The following STK25 variants were observed in gnomAD, a reference collection of about 807,000 sequenced individuals.
STK25 encodes the protein serine/threonine kinase 25.
In STK25, 29 loss-of-function variants were observed where a neutral mutation model predicts 53.8. The observed-to-expected ratio is 0.54, with a 90% CI of 0.40 to 0.74. The LOEUF is 0.74. Among genes scored for constraint, STK25 ranks in the 30% least tolerant of loss-of-function variants. The pLI is 0.00. For missense variants in STK25, 420 were observed against 568.0 expected (o/e 0.74, Z 2.65); for synonymous variants, 247 against 238.3 (o/e 1.04, Z -0.33).
rs756283437 is a variant in STK25 at position 241,496,496 on chromosome 2, A to G, written c.1143T>C (p.Gly381=). ...AGGCGTTCTCCAGCTCCTCCAGCGCACCCACGCTCCCGCCGCTCTGCTTGT... is the reference window on the plus strand; with the variant it reads ...AGGCGTTCTCCAGCTCCTCCAGCGCGCCCACGCTCCCGCCGCTCTGCTTGT... ...EKHKQSGGSV[G]ALEELENAFS... is the part of the protein sequence containing the mutation. The change falls in exon 11 of 12, where the codon GGT becomes GGC. Residue 381 remains glycine, a synonymous_variant. Coordinates refer to ENST00000316586, the MANE Select transcript of STK25 (RefSeq NM_001271977.2). The surrounding 1 kb of genome is among the most constrained non-coding windows in gnomAD (Gnocchi z 5.8). 2.5e-6 allele frequency: 4 copies of G among 1,610,374 alleles called. No homozygotes were observed. The highest frequency in any genetic ancestry group is 3.4e-6 in the Non-Finnish European group (4 of 1,179,062).
At position 241,496,796 on chromosome 2, in the gene STK25, G is replaced by A. The variant is rs1229604441; in HGVS notation, c.1105-262C>T. Among the ~76,000 whole-genome samples, 3 of 152,138 alleles carry A rather than the reference G, an allele frequency of 2.0e-5. No homozygotes were observed. Among genetic ancestry groups the A allele is most frequent in the Non-Finnish European group, 4.4e-5 (3 of 68,030 alleles). The stretch of plus-strand genomic sequence containing the variant: ...GGGAATCTCGGACCTCGGTTCTCAG[G>A]AGGGGACCAGATGGCTTCCTCCCAG... On this transcript the variant is annotated intron_variant, in intron 10 of 11. Transcript: ENST00000316586. The surrounding 1 kb of genome is among the most constrained non-coding windows in gnomAD (Gnocchi z 5.8).
rs1009491055 is a variant in STK25 at position 241,501,758 on chromosome 2, G to C, written c.31-50C>G. On this transcript the variant is annotated intron_variant, in intron 2 of 11. Transcript: ENST00000316586. The surrounding 1 kb of genome is among the most constrained non-coding windows in gnomAD (Gnocchi z 5.3). ...GGGCAGACAGCGCCGGTCACAAGAG[G>C]CGGGGGACAGGCAGAGGCTGCCCTG... 6.8e-7 allele frequency: 1 copy of C among 1,478,750 alleles called. No individual in the cohort carries two copies. Among genetic ancestry groups the C allele is most frequent in the Admixed American group, 1.7e-5 (1 of 58,754 alleles). 91.6% of individuals were successfully genotyped at this position (1,478,750 alleles called of 1,614,324 possible).
In STK25 at chr2:241,508,517, T is replaced by A. The variant is rs2065997118; in HGVS notation, c.-175A>T. 9.9e-7 allele frequency: 1 copy of A among 1,011,180 alleles called. No individual in the cohort carries two copies. Among genetic ancestry groups the A allele is most frequent in the Non-Finnish European group, 1.2e-6 (1 of 844,956 alleles). 62.6% of individuals were successfully genotyped at this position (1,011,180 alleles called of 1,614,324 possible). Reference sequence around the variant, plus strand: ...CGAAGGCTCCCACCCGCAGCCTCTGTTCGCCCGGGGACCCCGGGCCTCCCA... The same window carrying A: ...CGAAGGCTCCCACCCGCAGCCTCTGATCGCCCGGGGACCCCGGGCCTCCCA... On this transcript the variant is annotated 5_prime_UTR_variant, in exon 1 of 12. Transcript: ENST00000316586.
At chr2:241,503,975 A>G in intron 2 of STK25, 1 of 468,962 alleles carries the variant, frequency 2.1e-6, no homozygotes, top group South Asian at 1.6e-5. Flanking sequence ...TGAAACTGCC[A>G]ATTAGCTGAC....
intron 1 of STK25, 84 bp downstream of exon 1, chr2:241,508,359 T>TGC: frequency 4.5e-6 from 5 of 1,114,878 alleles, no homozygotes; most frequent in South Asian, 3.0e-5. Flanking sequence ...CGCCCCGGTG[T>TGC]CCCCGCCACC....
chr2:241,499,217 C>T (rs548790400), intron 6 of STK25, 40 bp downstream of exon 6: 1 of 1,613,790 alleles, frequency 6.2e-7, no homozygotes, highest in African/African-American at 1.3e-5. Context: ...AGCACCCGAG[C>T]CAGGCATGGT....
chr2:241,493,160 T>A lies in STK25; in HGVS notation c.*2502A>T. On this transcript the variant is annotated 3_prime_UTR_variant, in exon 12 of 12. Coordinates refer to ENST00000316586, the MANE Select transcript of STK25 (RefSeq NM_001271977.2). Reference sequence around the variant, plus strand: ...CATGCTTTGCCCACACACCCTGTGCTGTGTGAACAGGGAAACTGGCTCCCT... The same window carrying A: ...CATGCTTTGCCCACACACCCTGTGCAGTGTGAACAGGGAAACTGGCTCCCT... 8.5e-7 allele frequency: 1 copy of A among 1,180,672 alleles called. No individual in the cohort carries two copies. The highest frequency in any genetic ancestry group is 1.2e-6 in the Non-Finnish European group (1 of 802,740). 73.1% of individuals were successfully genotyped at this position (1,180,672 alleles called of 1,614,324 possible). A position where few individuals can be genotyped will look rare whatever the true frequency, so the allele number is the denominator to read the frequency against.
At chr2:241,508,916 G>A (rs1468284720), upstream of STK25, among the ~76,000 whole-genome samples, 1 of 152,022 alleles carries the variant, frequency 6.6e-6, no homozygotes, top group Non-Finnish European at 1.5e-5. Flanking sequence ...CGTCTCCGAC[G>A]TTACGGCGGC....
intron 2 of STK25, among the ~76,000 whole-genome samples, chr2:241,505,276 C>T (rs942057190): frequency 1.7e-4 from 26 of 152,176 alleles, no homozygotes; most frequent in African/African-American, 5.5e-4. Flanking sequence ...GGCCCTGGGA[C>T]GCTGCTCCAC....
intron 2 of STK25, among the ~76,000 whole-genome samples, chr2:241,507,474 T>A (rs2065905696): frequency 6.6e-6 from 1 of 152,174 alleles, no homozygotes; most frequent in South Asian, 2.1e-4. Context: ...CTTTTCACCC[T>A]CCCCTGGGCC....
At chr2:241,500,318 T>C in intron 4 of STK25, 37 bp from the exon 5 acceptor site, 1 of 1,480,062 alleles carries the variant, frequency 6.8e-7, no homozygotes, top group Admixed American at 1.7e-5. Context: ...CCTCAGCTCC[T>C]GTCCCAGGCC....
chr2:241,501,828 G>C lies in STK25; in HGVS notation c.31-120C>G, dbSNP rs894017662. 1 of 673,408 alleles carries C rather than the reference G, an allele frequency of 1.5e-6. No homozygotes were observed. The highest frequency in any genetic ancestry group is 2.7e-5 in the East Asian group (1 of 37,192). 41.7% of individuals were successfully genotyped at this position (673,408 alleles called of 1,614,324 possible). On this transcript the variant is annotated intron_variant, in intron 2 of 11. Coordinates refer to ENST00000316586, the MANE Select transcript of STK25 (RefSeq NM_001271977.2). The surrounding 1 kb of genome is among the most constrained non-coding windows in gnomAD (Gnocchi z 5.3). ...TAGGGAAGGGGGAGTCCAAGGGAGCGCACCTCAATTCTTCTCTGGTTTCTT... is the reference window on the plus strand; with the variant it reads ...TAGGGAAGGGGGAGTCCAAGGGAGCCCACCTCAATTCTTCTCTGGTTTCTT...
chr2:241,495,707 G>A lies in STK25; in HGVS notation c.1242-6C>T. The A allele has an allele frequency of 6.2e-7, 1 of 1,614,028 alleles. No individual in the cohort carries two copies. The highest frequency in any genetic ancestry group is 8.5e-7 in the Non-Finnish European group (1 of 1,179,862). ...GGTTTCTGTTGTGTGAAAACCTGCA[G>A]AGAGAAGAGCCCACTGCTGCGTGCG... On this transcript the variant is annotated splice_region_variant and splice_polypyrimidine_tract_variant and intron_variant, in intron 11 of 11. Coordinates refer to ENST00000316586, the MANE Select transcript of STK25 (RefSeq NM_001271977.2).
rs1353201110 is a variant in STK25 at position 241,492,781 on chromosome 2, A to G, written c.*2881T>C. 1.7e-6 allele frequency: 1 copy of G among 588,562 alleles called. No individual in the cohort carries two copies. Among genetic ancestry groups the G allele is most frequent in the Non-Finnish European group, 3.0e-6 (1 of 328,314 alleles). 36.5% of individuals were successfully genotyped at this position (588,562 alleles called of 1,614,324 possible). A position where few individuals can be genotyped will look rare whatever the true frequency, so the allele number is the denominator to read the frequency against. ...ATGCTTCTGTTGGACTTAAGTACTG[A>G]TAAAGCTGCTGTTCATAGCAGTCCA... On this transcript the variant is annotated 3_prime_UTR_variant, in exon 12 of 12. Coordinates refer to ENST00000316586, the MANE Select transcript of STK25 (RefSeq NM_001271977.2).
chr2:241,505,752 G>A (rs1164800548), intron 2 of STK25, among the ~76,000 whole-genome samples: 3 of 152,238 alleles, frequency 2.0e-5, no homozygotes, highest in Non-Finnish European at 4.4e-5. Flanking sequence ...CCTCTTGGCT[G>A]TGATCCTGGC....
chr2:241,508,059 G>C lies in STK25; in HGVS notation c.-24C>G, dbSNP rs1158727446. 6.3e-7 allele frequency: 1 copy of C among 1,595,104 alleles called. No homozygotes were observed. Among genetic ancestry groups the C allele is most frequent in the Admixed American group, 1.7e-5 (1 of 57,440 alleles). On this transcript the variant is annotated 5_prime_UTR_variant, in exon 2 of 12. Transcript: ENST00000316586. ...ATGGCCGCGCCGCCTCAGACCCTCC[G>C]CCAGCAGCCCCAGGAGGCGTCTGGA...
At chr2:241,500,102 A>T in intron 5 of STK25, 71 bp downstream of exon 5, 1 of 1,388,216 alleles carries the variant, frequency 7.2e-7, no homozygotes, top group Non-Finnish European at 1.0e-6. Flanking sequence ...CTTGCCCCTC[A>T]CAGGCCCCGG....
Position 241,508,057 on chromosome 2 carries a change from C to T in STK25, c.-22G>A. On this transcript the variant is annotated 5_prime_UTR_variant, in exon 2 of 12. Coordinates refer to ENST00000316586, the MANE Select transcript of STK25 (RefSeq NM_001271977.2). The stretch of plus-strand genomic sequence containing the variant: ...CCATGGCCGCGCCGCCTCAGACCCT[C>T]CGCCAGCAGCCCCAGGAGGCGTCTG... 1 of 1,595,420 alleles carries T rather than the reference C, an allele frequency of 6.3e-7. No homozygotes were observed. The highest frequency in any genetic ancestry group is 8.5e-7 in the Non-Finnish European group (1 of 1,172,476).
At chr2:241,497,583 G>C in intron 10 of STK25, 33 bp downstream of exon 10, 2 of 1,609,014 alleles carry the variant, frequency 1.2e-6, no homozygotes, top group Non-Finnish European at 1.7e-6. Flanking sequence ...GTCCTTGACG[G>C]GACTCCAGGC....
Sources: gnomAD v4.1 joint callset for allele counts (sites outside exome capture counted in the v4.1 genomes callset) on GRCh38, gnomAD v4.1.1 for gene constraint, Gnocchi (gnomAD v3.1) non-coding constraint, MANE v1.5 for transcripts, NCBI Gene and HGNC (gene_info 2026-07-23, HGNC 2026-07-21) for gene names.